Variants in NCOR2 observed in about 807,000 individuals in gnomAD.
The protein encoded by NCOR2 is nuclear receptor corepressor 2, also known as CTG repeat protein 26.
In NCOR2, 81 loss-of-function variants were observed where a neutral mutation model predicts 262.9. The ratio of observed to expected loss-of-function variants is 0.31; its 90% CI spans 0.26 to 0.37. The LOEUF (loss-of-function observed/expected upper bound fraction) is 0.37, where lower values mean the gene tolerates loss of function less well. NCOR2 is among the 10% of genes least tolerant of loss of function. The probability of loss-of-function intolerance (pLI) is 1.00; values close to 1 mark genes in which losing one functional copy is unlikely to be tolerated. For synonymous variants in NCOR2, 1,659 were observed against 1,559.3 expected, an observed-to-expected ratio of 1.06 and a Z score of -1.51; for missense variants, 3,385 against 3,621.4, an observed-to-expected ratio of 0.93 and a Z score of 1.68.
intron 8 of NCOR2, 31 bp from the exon 11 acceptor site, chr12:124,430,818 T>A: frequency 6.3e-7 from 1 of 1,577,128 alleles, no homozygotes; most frequent in Non-Finnish European, 8.6e-7. Flanking sequence ...CTGCGGAAGA[T>A]GCTCCTGCAC....
At chr12:124,544,851 CCT>C (rs1187908862) in intron 1 of NCOR2, among the ~76,000 whole-genome samples, 10 of 152,086 alleles carry the variant, frequency 6.6e-5, no homozygotes, top group African/African-American at 1.7e-4. Flanking sequence ...GACTGCGACC[CCT>C]GTGTGTGCTG....
chr12:124,402,988 A>G (rs1435984310), intron 13 of NCOR2, among the ~76,000 whole-genome samples: 2 of 152,160 alleles, frequency 1.3e-5, no homozygotes, highest in African/African-American at 4.8e-5. Flanking sequence ...CCATGCTTAC[A>G]TCCGCATCTG....
chr12:124,464,261 A>C (rs1371109231), intron 5 of NCOR2, among the ~76,000 whole-genome samples: 1 of 152,224 alleles, frequency 6.6e-6, no homozygotes, highest in East Asian at 1.9e-4. Flanking sequence ...CAAGGAGAGG[A>C]GCTCCAGGCA....
intron 41 of NCOR2, among the ~76,000 whole-genome samples, chr12:124,334,178 G>A (rs1027772732): frequency 1.3e-5 from 2 of 152,198 alleles, no homozygotes; most frequent in Admixed American, 1.3e-4. Context: ...CTCCTGGGGG[G>A]CTGTGTGTAA....
At chr12:124,326,152 G>C (rs1217942811) in intron 46 of NCOR2, 39 bp downstream of exon 48, 4 of 1,453,846 alleles carry the variant, frequency 2.8e-6, no homozygotes, top group Non-Finnish European at 3.6e-6. Flanking sequence ...CAGTGTTGGG[G>C]GCTCAGCGAG....
At chr12:124,437,992 G>T in exon 8 of NCOR2, 1 of 1,610,012 alleles carries the variant, frequency 6.2e-7, no homozygotes, top group Non-Finnish European at 8.5e-7. Context: ...CGCATCGCCT[G>T]GTTTCTGTGC....
intron 7 of NCOR2, among the ~76,000 whole-genome samples, chr12:124,446,666 C>T (rs1330911134): frequency 6.6e-6 from 1 of 152,154 alleles, no homozygotes; most frequent in African/African-American, 2.4e-5. Context: ...ATTTTCTCTC[C>T]CATTACCCCA....
chr12:124,465,214 G>T (rs1441847826), intron 5 of NCOR2, among the ~76,000 whole-genome samples: 1 of 152,116 alleles, frequency 6.6e-6, no homozygotes, highest in African/African-American at 2.4e-5. Flanking sequence ...GGGAGAGGAG[G>T]TTCCTCATCT....
chr12:124,350,891 G>A (rs2037394208), intron 27 of NCOR2, among the ~76,000 whole-genome samples, 154 bp from the exon 30 acceptor site: 1 of 152,232 alleles, frequency 6.6e-6, no homozygotes, highest in African/African-American at 2.4e-5. Context: ...AGTTTGCATG[G>A]AACAAAACCC....
intron 3 of NCOR2, among the ~76,000 whole-genome samples, chr12:124,479,249 C>A (rs933846132): frequency 2.0e-5 from 3 of 152,210 alleles, no homozygotes; most frequent in African/African-American, 7.2e-5. Flanking sequence ...CATGCACACA[C>A]ACGCACACAC....
chr12:124,418,309 A>T (rs1454061448), intron 13 of NCOR2, among the ~76,000 whole-genome samples: 1 of 152,144 alleles, frequency 6.6e-6, no homozygotes, highest in African/African-American at 2.4e-5. Context: ...GAATGCGGCG[A>T]GGGGTGGCTC....
At chr12:124,490,639 C>G (rs2048036005) in intron 1 of NCOR2, among the ~76,000 whole-genome samples, 1 of 152,152 alleles carries the variant, frequency 6.6e-6, no homozygotes, top group Non-Finnish European at 1.5e-5. Flanking sequence ...CCCCCCAGGG[C>G]ACTCAGGACA....
chr12:124,424,896 C>T (rs2043444400), intron 11 of NCOR2, among the ~76,000 whole-genome samples: 1 of 152,228 alleles, frequency 6.6e-6, no homozygotes, highest in Admixed American at 6.5e-5. Context: ...GTCCACACCT[C>T]AGTTTCCCAC....
intron 1 of NCOR2, among the ~76,000 whole-genome samples, chr12:124,512,070 T>A (rs1406955455): frequency 6.6e-6 from 1 of 152,150 alleles, no homozygotes; most frequent in African/African-American, 2.4e-5. Context: ...CGCCACCACA[T>A]CCGGCTAATT....
chr12:124,332,826 C>A (rs1033259630), intron 42 of NCOR2, among the ~76,000 whole-genome samples: 1 of 152,152 alleles, frequency 6.6e-6, no homozygotes, highest in Non-Finnish European at 1.5e-5. Context: ...CACCCATCGC[C>A]CCCGGTCTGG....
At chr12:124,526,214 G>C (rs1156297017) in intron 1 of NCOR2, among the ~76,000 whole-genome samples, 2 of 152,112 alleles carry the variant, frequency 1.3e-5, no homozygotes, top group Non-Finnish European at 2.9e-5. Context: ...TCTTCATGTG[G>C]GTCTTTCCTC....
At chr12:124,564,082 C>A (rs2052156241) in intron 1 of NCOR2, among the ~76,000 whole-genome samples, 2 of 152,232 alleles carry the variant, frequency 1.3e-5, no homozygotes, top group African/African-American at 2.4e-5. Context: ...TTGCGTAGAG[C>A]ACGGTTCCTG....
intron 4 of NCOR2, among the ~76,000 whole-genome samples, chr12:124,470,330 C>T (rs1405024627): frequency 2.6e-5 from 4 of 152,190 alleles, no homozygotes; most frequent in South Asian, 2.1e-4. Flanking sequence ...CTGTACGACA[C>T]GACCCAGCAA....
At chr12:124,380,713 C>T (rs1004179449) in intron 17 of NCOR2, among the ~76,000 whole-genome samples, 14 of 152,092 alleles carry the variant, frequency 9.2e-5, no homozygotes, top group East Asian at 3.9e-4. Flanking sequence ...CTCAGAGTCT[C>T]GCAGGGAACA....
Sources: allele counts gnomAD v4.1 joint callset (sites outside exome capture counted in the v4.1 genomes callset), GRCh38; gene constraint gnomAD v4.1.1; transcripts MANE v1.5; gene names NCBI Gene and HGNC (gene_info 2026-07-23, HGNC 2026-07-21).